The following MYO3B variants were observed in gnomAD, a reference collection of about 807,000 sequenced individuals.
MYO3B encodes the protein myosin-IIIb.
A neutral mutation model predicts 174.6 loss-of-function variants in MYO3B; 156 were observed. The ratio of observed to expected loss-of-function variants is 0.89; its 90% CI spans 0.78 to 1.02. The LOEUF (loss-of-function observed/expected upper bound fraction) is 1.02. MYO3B is among the 50% of genes least tolerant of loss of function. The pLI is 0.00. For synonymous variants in MYO3B, 563 were observed against 569.1 expected, an observed-to-expected ratio of 0.99 and a Z score of 0.15; for missense variants, 1,632 against 1,639.4, an observed-to-expected ratio of 1.00 and a Z score of 0.08.
intron 7 of MYO3B, among the ~76,000 whole-genome samples, chr2:170,284,407 G>C (rs1440703382): frequency 6.6e-6 from 1 of 152,112 alleles, no homozygotes; most frequent in Non-Finnish European, 1.5e-5. Flanking sequence ...CTCAATACAT[G>C]TCAGTATGAC....
chr2:170,543,534 C>T (rs1032837383), intron 31 of MYO3B, among the ~76,000 whole-genome samples: 4 of 152,216 alleles, frequency 2.6e-5, no homozygotes, highest in Admixed American at 2.0e-4. Flanking sequence ...CAGATTAATA[C>T]CTTCCTATAG....
chr2:170,651,540 A>T (rs1178238471), intron 32 of MYO3B, 88 bp from the exon 33 acceptor site: 2 of 982,736 alleles, frequency 2.0e-6, no homozygotes, highest in Non-Finnish European at 3.3e-6. Context: ...CACAGTTTCT[A>T]CTAAGTGCAT....
chr2:170,218,964 ATTACTTCCCCCAAT>A (rs1454284749), intron 6 of MYO3B, among the ~76,000 whole-genome samples: 2 of 152,172 alleles, frequency 1.3e-5, no homozygotes, highest in African/African-American at 4.8e-5. Flanking sequence ...CTTGTTTCAG[ATTACTTCCCCCAAT>A]TTACTTGTTC....
In MYO3B at chr2:170,384,374, T is replaced by C. The variant is rs2105744403; in HGVS notation, c.1290+560T>C. On this transcript the variant is annotated intron_variant, in intron 12 of 34. Coordinates refer to ENST00000408978, the MANE Select transcript of MYO3B (RefSeq NM_138995.5). ...TTTCTAGCCTTCTAATTCACATTGC[T>C]CATATATCTAATCTTTCATCCCTTC... Among the ~76,000 whole-genome samples the C allele has an allele frequency of 1.3e-5, 2 of 152,308 alleles. 1 individual carries two copies.
intron 16 of MYO3B, among the ~76,000 whole-genome samples, chr2:170,394,688 A>G (rs991876262): frequency 1.3e-5 from 2 of 152,232 alleles, no homozygotes; most frequent in African/African-American, 4.8e-5. Context: ...AAATAAACCA[A>G]TTTATATAAG....
chr2:170,287,517 A>C (rs1227216699), intron 7 of MYO3B, among the ~76,000 whole-genome samples: 2 of 151,368 alleles, frequency 1.3e-5, no homozygotes, highest in African/African-American at 4.9e-5. Context: ...CTTCTTGGCC[A>C]TTTGTATGTC....
intron 7 of MYO3B, among the ~76,000 whole-genome samples, chr2:170,247,114 G>C (rs754059071): frequency 2.8e-4 from 43 of 152,324 alleles, no homozygotes; most frequent in Non-Finnish European, 5.0e-4. Flanking sequence ...GCAGTGCTCA[G>C]GGTGGAGAAG....
rs58728854 is a variant in MYO3B, at chr2:170,570,773, A to ATT, written c.3733+26793_3733+26794dup. Among the ~76,000 whole-genome samples, 310 of 151,268 alleles carry ATT rather than the reference A, an allele frequency of 2.0e-3. 1 individual carries two copies. Among genetic ancestry groups the ATT allele is most frequent in the African/African-American group, 3.8e-3 (157 of 41,200 alleles). On this transcript the variant is annotated intron_variant, in intron 32 of 34. Transcript: ENST00000408978. Reference sequence around the variant, plus strand: ...GCCTTGTTTTTGGATTCTTTATTTGATTTTTTTTTAGTGGTTTTTCAAATT... The same window carrying ATT: ...GCCTTGTTTTTGGATTCTTTATTTGATTTTTTTTTTTAGTGGTTTTTCAAATT...
chr2:170,577,236 T>A (rs1309605902), intron 32 of MYO3B, among the ~76,000 whole-genome samples: 1 of 152,218 alleles, frequency 6.6e-6, no homozygotes, highest in Non-Finnish European at 1.5e-5. Context: ...TAAAAGTAAT[T>A]TTAAAAATCC....
At chr2:170,575,069 T>C (rs1403206578) in intron 32 of MYO3B, among the ~76,000 whole-genome samples, 1 of 152,162 alleles carries the variant, frequency 6.6e-6, no homozygotes, top group East Asian at 1.9e-4. Flanking sequence ...AGTGAAATAT[T>C]TATGCCTAGG....
chr2:170,293,121 G>A (rs1489386871), intron 7 of MYO3B, among the ~76,000 whole-genome samples: 1 of 152,114 alleles, frequency 6.6e-6, no homozygotes, highest in Non-Finnish European at 1.5e-5. Flanking sequence ...GCCCCAGGAT[G>A]CATCTCATCC....
chr2:170,407,602 G>GAAAGCTATA, intron 21 of MYO3B, 113 bp from the exon 22 acceptor site: 3 of 1,210,094 alleles, frequency 2.5e-6, no homozygotes, highest in East Asian at 2.4e-5. Context: ...TGAAAGCTAT[G>GAAAGCTATA]TAAAGATGAG....
At chr2:170,638,641 C>T (rs989422207) in intron 32 of MYO3B, among the ~76,000 whole-genome samples, 26 of 152,188 alleles carry the variant, frequency 1.7e-4, no homozygotes, top group Non-Finnish European at 3.4e-4. Flanking sequence ...TGCCTTCACA[C>T]TGGCTTCAGG....
intron 32 of MYO3B, among the ~76,000 whole-genome samples, chr2:170,633,630 G>A (rs914479888): frequency 6.6e-6 from 1 of 152,164 alleles, no homozygotes; most frequent in African/African-American, 2.4e-5. Flanking sequence ...GGGCAATCAG[G>A]CAAGAGAAAG....
intron 1 of MYO3B, among the ~76,000 whole-genome samples, chr2:170,189,365 C>G (rs2092511252): frequency 6.6e-6 from 1 of 152,044 alleles, no homozygotes; most frequent in Non-Finnish European, 1.5e-5. Context: ...TGATATCTTT[C>G]TCTAGGTTTA....
intron 8 of MYO3B, among the ~76,000 whole-genome samples, chr2:170,361,525 A>G (rs1434095312): frequency 6.6e-6 from 1 of 152,238 alleles, no homozygotes; most frequent in Non-Finnish European, 1.5e-5. Context: ...GGGCAACCTT[A>G]TCCCCATTCT....
chr2:170,389,707 C>A (rs892070297), intron 14 of MYO3B, among the ~76,000 whole-genome samples: 1 of 152,132 alleles, frequency 6.6e-6, no homozygotes, highest in Admixed American at 6.5e-5. Context: ...TCATCTCAGG[C>A]CTTTCGGTTC....
chr2:170,299,462 C>T (rs1312205335), intron 7 of MYO3B, among the ~76,000 whole-genome samples: 1 of 148,648 alleles, frequency 6.7e-6, no homozygotes, highest in Non-Finnish European at 1.5e-5. Flanking sequence ...AATGAAATTT[C>T]TTTTTTTTTT....
At chr2:170,503,088 C>T (rs1197014031) in intron 28 of MYO3B, among the ~76,000 whole-genome samples, 4 of 152,220 alleles carry the variant, frequency 2.6e-5, no homozygotes, top group African/African-American at 4.8e-5. Flanking sequence ...CCTCCCAACA[C>T]GCACACAATC....
Sources: allele counts gnomAD v4.1 joint callset (sites outside exome capture counted in the v4.1 genomes callset), GRCh38; gene constraint gnomAD v4.1.1; transcripts MANE v1.5; gene names NCBI Gene and HGNC (gene_info 2026-07-23, HGNC 2026-07-21).